Variants in PRKCE observed in about 807,000 individuals in gnomAD.
The protein encoded by PRKCE is protein kinase C epsilon type.
Under a neutral mutation model 85.4 loss-of-function variants are expected in PRKCE, and 16 were observed. That is an observed-to-expected ratio of 0.19 (90% CI 0.13 to 0.28). The LOEUF (loss-of-function observed/expected upper bound fraction) is 0.28, where lower values mean the gene tolerates loss of function less well. Ranked by LOEUF, PRKCE falls within the 10% of genes least tolerant of loss-of-function variation. The pLI is 1.00. For missense variants in PRKCE, 573 were observed against 975.2 expected (o/e 0.59, Z 5.49); for synonymous variants, 388 against 371.5 (o/e 1.04, Z -0.51).
chr2:45,896,544 T>C (rs1281803644), intron 2 of PRKCE, among the ~76,000 whole-genome samples: 2 of 152,372 alleles, frequency 1.3e-5, no homozygotes, highest in Middle Eastern at 3.4e-3. Flanking sequence ...TAGGTTTACA[T>C]ATTCGAATCA....
chr2:46,010,925 C>A, intron 10 of PRKCE: 1 of 1,447,112 alleles, frequency 6.9e-7, no homozygotes, highest in South Asian at 1.5e-5. Flanking sequence ...CTCTTCTAAT[C>A]TGTGTAATGT....
chr2:45,830,009 C>T (rs944405880), intron 1 of PRKCE, among the ~76,000 whole-genome samples: 1 of 142,412 alleles, frequency 7.0e-6, no homozygotes, highest in South Asian at 2.2e-4. Context: ...GGAGGCGGAG[C>T]TTGCAGTGAG....
chr2:45,747,355 A>G (rs1034493247), intron 1 of PRKCE, among the ~76,000 whole-genome samples: 2 of 152,068 alleles, frequency 1.3e-5, no homozygotes, highest in Non-Finnish European at 2.9e-5. Context: ...TTAAACACTA[A>G]CTTCCCATTT....
At chr2:46,164,242 T>C (rs1214546518) in intron 14 of PRKCE, among the ~76,000 whole-genome samples, 2 of 152,122 alleles carry the variant, frequency 1.3e-5, no homozygotes, top group South Asian at 2.1e-4. Flanking sequence ...TTTGACAGAC[T>C]CCAGGTCAAA....
intron 2 of PRKCE, among the ~76,000 whole-genome samples, chr2:45,912,584 AAAT>A (rs1402470415): frequency 6.6e-6 from 1 of 152,102 alleles, no homozygotes; most frequent in Non-Finnish European, 1.5e-5. Context: ...CTGGCAGTTG[AAAT>A]AATTCAGGAG....
At chr2:45,805,799 A>G (rs1441403526) in intron 1 of PRKCE, among the ~76,000 whole-genome samples, 1 of 152,062 alleles carries the variant, frequency 6.6e-6, no homozygotes, top group African/African-American at 2.4e-5. Context: ...GGGTTTCACC[A>G]TGATGGCCAG....
At chr2:45,892,895 A>AC (rs1043258679) in intron 2 of PRKCE, among the ~76,000 whole-genome samples, 6 of 151,954 alleles carry the variant, frequency 3.9e-5, no homozygotes, top group African/African-American at 1.5e-4. Flanking sequence ...TCAGTAATGT[A>AC]CCCCCCGGGG....
Position 46,023,032 on chromosome 2 carries a change from G to A in PRKCE, c.1437+12515G>A, listed in dbSNP as rs372266311. Among the ~76,000 whole-genome samples the A allele has an allele frequency of 2.5e-4, 35 of 139,402 alleles. No individual in the cohort carries two copies. In the East Asian group the frequency reaches 4.4e-3, roughly 17 times the overall value. 91.5% of individuals were successfully genotyped at this position (139,402 alleles called of 152,430 possible). On this transcript the variant is annotated intron_variant, in intron 10 of 14. Coordinates refer to ENST00000306156, the MANE Select transcript of PRKCE (RefSeq NM_005400.3). The stretch of plus-strand genomic sequence containing the variant: ...CGGGAAGCGGAGCTTGCAGTGAGCC[G>A]AGATTGCGCCACTGCAGTCCGCAGT...
At chr2:45,694,003 T>C (rs748555390) in intron 1 of PRKCE, among the ~76,000 whole-genome samples, 1 of 151,424 alleles carries the variant, frequency 6.6e-6, no homozygotes, top group Non-Finnish European at 1.5e-5. Context: ...TCCGTGAGGG[T>C]CACTCTTCCA....
chr2:46,135,718 T>C (rs1674905905), intron 11 of PRKCE, among the ~76,000 whole-genome samples: 1 of 144,260 alleles, frequency 6.9e-6, no homozygotes, highest in African/African-American at 2.6e-5. Flanking sequence ...TTGAAAAAAA[T>C]TTACCTTGGG....
intron 11 of PRKCE, among the ~76,000 whole-genome samples, chr2:46,107,008 CA>C (rs1327128555): frequency 1.3e-5 from 2 of 152,180 alleles, no homozygotes; most frequent in African/African-American, 4.8e-5. Context: ...AATAATTTTT[CA>C]AATTTGAGTG....
chr2:45,656,033 G>T (rs921892800), intron 1 of PRKCE, among the ~76,000 whole-genome samples: 1 of 152,204 alleles, frequency 6.6e-6, no homozygotes, highest in Non-Finnish European at 1.5e-5. Context: ...CAGGGTTGGA[G>T]AATGGATGAG....
rs1168615903 is a variant in PRKCE, at chr2:46,138,315, C to T, written c.1593-6778C>T. Among the ~76,000 whole-genome samples the T allele has an allele frequency of 6.6e-6, 1 of 152,206 alleles. No individual in the cohort carries two copies. Among genetic ancestry groups the T allele is most frequent in the East Asian group, 1.9e-4 (1 of 5,194 alleles). ...AAGCATCAAATAGAGATTTCCAACTCATACGTCTGTCATTTTATCTAATAG... is the reference window on the plus strand; with the variant it reads ...AAGCATCAAATAGAGATTTCCAACTTATACGTCTGTCATTTTATCTAATAG... On this transcript the variant is annotated intron_variant, in intron 11 of 14. Transcript: ENST00000306156. This position sits in a 1 kb window ranked among gnomAD's most constrained non-coding sequence, Gnocchi z 4.2.
chr2:45,745,414 A>AT, intron 1 of PRKCE, among the ~76,000 whole-genome samples: 1 of 152,100 alleles, frequency 6.6e-6, no homozygotes, highest in Non-Finnish European at 1.5e-5. Flanking sequence ...TCGCTTTCTC[A>AT]TCCCTGTTCT....
At chr2:45,841,221 G>C (rs1364420990) in intron 1 of PRKCE, among the ~76,000 whole-genome samples, 2 of 152,210 alleles carry the variant, frequency 1.3e-5, no homozygotes, top group East Asian at 1.9e-4. Flanking sequence ...GAGTTTATTA[G>C]GAGAATTGAC....
chr2:45,851,393 CAG>C (rs1397456326), intron 2 of PRKCE, among the ~76,000 whole-genome samples: 1 of 152,170 alleles, frequency 6.6e-6, no homozygotes, highest in African/African-American at 2.4e-5. Context: ...ATAATAGAAA[CAG>C]AAATTCCTGC....
At chr2:46,089,082 G>A (rs1669915941) in intron 11 of PRKCE, among the ~76,000 whole-genome samples, 1 of 152,136 alleles carries the variant, frequency 6.6e-6, no homozygotes, top group African/African-American at 2.4e-5. Context: ...GCTTCTATGA[G>A]CCATTCTCTT....
intron 2 of PRKCE, among the ~76,000 whole-genome samples, chr2:45,940,647 C>T (rs78246784): frequency 5.9e-5 from 9 of 152,278 alleles, no homozygotes; most frequent in Non-Finnish European, 1.2e-4. Flanking sequence ...CACACTCTTG[C>T]GCTCACAAGT....
chr2:45,747,898 C>T (rs1320888960), intron 1 of PRKCE, among the ~76,000 whole-genome samples: 1 of 151,946 alleles, frequency 6.6e-6, no homozygotes, highest in Admixed American at 6.6e-5. Context: ...TGGATAGTAA[C>T]CACCATTTTC....
Sources: allele counts gnomAD v4.1 joint callset (sites outside exome capture counted in the v4.1 genomes callset), GRCh38; gene constraint gnomAD v4.1.1; non-coding constraint Gnocchi (gnomAD v3.1); transcripts MANE v1.5; gene names NCBI Gene and HGNC (gene_info 2026-07-23, HGNC 2026-07-21).